Variants in DPP6 observed in about 807,000 individuals in gnomAD.
The protein encoded by DPP6 is dipeptidyl peptidase like 6, also known as A-type potassium channel modulatory protein DPP6.
A neutral mutation model predicts 122.6 loss-of-function variants in DPP6; 69 were observed. That is an observed-to-expected ratio of 0.56 (90% CI 0.46 to 0.69). The LOEUF is 0.69. DPP6 is among the 30% of genes least tolerant of loss of function. The pLI, the probability that DPP6 is intolerant of heterozygous loss-of-function variation, is 0.00. For missense variants in DPP6, 928 were observed against 1,116.9 expected (o/e 0.83, Z 2.41); for synonymous variants, 418 against 433.1 (o/e 0.97, Z 0.43).
At chr7:154,172,660 G>T (rs1585547875) in intron 1 of DPP6, among the ~76,000 whole-genome samples, 1 of 139,010 alleles carries the variant, frequency 7.2e-6, no homozygotes, top group East Asian at 2.1e-4. Context: ...GACTGCAGTG[G>T]TGCCATCACA....
At chr7:154,144,535 A>G (rs1415426070) in intron 1 of DPP6, among the ~76,000 whole-genome samples, 1 of 151,404 alleles carries the variant, frequency 6.6e-6, no homozygotes, top group Non-Finnish European at 1.5e-5. Flanking sequence ...TAAAACTATG[A>G]CAATGCCATT....
In DPP6 at chr7:154,248,213, A is replaced by G. The variant is rs1302017925; in HGVS notation, c.243+195150A>G. On this transcript the variant is annotated intron_variant, in intron 1 of 25. Transcript: ENST00000377770. ...GACCCCACCTCCAAATACCATCACA[A>G]TGGGGGTTAGGACTTTAACCTAGGA... Among the ~76,000 whole-genome samples the G allele has an allele frequency of 2.6e-5, 4 of 152,120 alleles. No homozygotes were observed. The East Asian group carries it at 5.8e-4, about 22-fold the overall frequency.
At position 154,618,598 on chromosome 7, in the gene DPP6, G is replaced by A. The variant is rs1834424339; in HGVS notation, c.628-19223G>A. Among the ~76,000 whole-genome samples the A allele has an allele frequency of 6.6e-6, 1 of 152,162 alleles. No homozygotes were observed. Among genetic ancestry groups the A allele is most frequent in the South Asian group, 2.1e-4 (1 of 4,826 alleles). ...AGCAGAAACCCACAGAGTTTATGAT[G>A]TGCTCAGAGCCACGCACAGGATCGC... On this transcript the variant is annotated intron_variant, in intron 5 of 25. Transcript: ENST00000377770. This position sits in a 1 kb window ranked among gnomAD's most constrained non-coding sequence, Gnocchi z 4.1.
At chr7:154,575,564 T>C (rs1445279456) in intron 5 of DPP6, among the ~76,000 whole-genome samples, 5 of 117,158 alleles carry the variant, frequency 4.3e-5, no homozygotes, top group African/African-American at 1.8e-4. Context: ...TTTATTTGTG[T>C]GTGGTATATG....
the DPP6 span, among the ~76,000 whole-genome samples, chr7:153,859,465 A>G: frequency 6.6e-6 from 1 of 152,178 alleles, no homozygotes; most frequent in African/African-American, 2.4e-5. Flanking sequence ...TGTTGTGCAG[A>G]AAAAAACTTG....
intron 1 of DPP6, among the ~76,000 whole-genome samples, chr7:153,947,057 C>G (rs565088398): frequency 6.6e-6 from 1 of 152,122 alleles, no homozygotes; most frequent in South Asian, 2.1e-4. Context: ...AAGGGTGTGC[C>G]GTGATTCCCT....
chr7:154,419,574 C>T (rs374312863), intron 1 of DPP6, among the ~76,000 whole-genome samples: 1 of 152,216 alleles, frequency 6.6e-6, no homozygotes, highest in Non-Finnish European at 1.5e-5. Context: ...CTCCCACACC[C>T]TTGGTTCTGC....
chr7:153,948,131 T>C (rs1802032408), intron 1 of DPP6, among the ~76,000 whole-genome samples: 1 of 152,208 alleles, frequency 6.6e-6, no homozygotes, highest in Non-Finnish European at 1.5e-5. Flanking sequence ...GACTTCAGCA[T>C]ATGAATTTGA....
At chr7:154,787,676 T>G (rs1282220548) in intron 10 of DPP6, among the ~76,000 whole-genome samples, 5 of 152,220 alleles carry the variant, frequency 3.3e-5, no homozygotes, top group African/African-American at 4.8e-5. Flanking sequence ...TAACCAATAT[T>G]AAGTATTTAC....
At chr7:153,796,954 C>T in the DPP6 span, among the ~76,000 whole-genome samples, 1 of 152,176 alleles carries the variant, frequency 6.6e-6, no homozygotes, top group Non-Finnish European at 1.5e-5. Context: ...AAGACTATGG[C>T]TTGTTTTGCC....
chr7:153,858,280 A>G, the DPP6 span, among the ~76,000 whole-genome samples: 4 of 152,302 alleles, frequency 2.6e-5, no homozygotes, highest in Admixed American at 2.6e-4. Context: ...AGATGACTGT[A>G]TCCACCAGAA....
chr7:154,055,401 A>C (rs1195673598), intron 1 of DPP6, among the ~76,000 whole-genome samples: 3 of 149,850 alleles, frequency 2.0e-5, no homozygotes, highest in Non-Finnish European at 4.4e-5. Context: ...TGAACATATC[A>C]AACCACTTTT....
chr7:154,024,831 T>C (rs1351190985), intron 1 of DPP6, among the ~76,000 whole-genome samples: 1 of 152,238 alleles, frequency 6.6e-6, no homozygotes, highest in Non-Finnish European at 1.5e-5. Context: ...GGTACCACAG[T>C]CTGTGTAAGA....
intron 1 of DPP6, 26 bp from the exon 2 acceptor site, chr7:154,446,188 G>T (rs750638913): frequency 1.4e-5 from 20 of 1,471,634 alleles, no homozygotes; most frequent in Non-Finnish European, 1.9e-5. Flanking sequence ...ACTCACTGGG[G>T]TTTTCTTTGT....
intron 1 of DPP6, among the ~76,000 whole-genome samples, chr7:154,074,258 A>G (rs1803389466): frequency 1.3e-5 from 2 of 152,062 alleles, no homozygotes; most frequent in Non-Finnish European, 2.9e-5. Context: ...GATGAAGATG[A>G]TATTTTATGT....
At chr7:153,834,665 A>C in the DPP6 span, among the ~76,000 whole-genome samples, 1 of 152,190 alleles carries the variant, frequency 6.6e-6, no homozygotes, top group African/African-American at 2.4e-5. Context: ...GTTGTTTTGC[A>C]TCATTTTATA....
At chr7:154,521,182 A>C (rs1031454714) in intron 3 of DPP6, among the ~76,000 whole-genome samples, 3 of 152,216 alleles carry the variant, frequency 2.0e-5, no homozygotes, top group African/African-American at 7.2e-5. Flanking sequence ...GGCTTGGCTG[A>C]TAACACATTT....
chr7:154,369,612 T>G (rs2151115974), intron 1 of DPP6, among the ~76,000 whole-genome samples: 1 of 152,282 alleles, frequency 6.6e-6, no homozygotes, highest in South Asian at 2.1e-4. Context: ...GGGATCCACC[T>G]GCCTTGGCCT....
intron 1 of DPP6, among the ~76,000 whole-genome samples, chr7:154,198,972 G>A (rs966295805): frequency 4.6e-5 from 7 of 151,106 alleles, no homozygotes; most frequent in Non-Finnish European, 1.0e-4. Flanking sequence ...GTTGATCATC[G>A]TTATGGTCCT....
Sources: gnomAD v4.1 joint callset for allele counts (sites outside exome capture counted in the v4.1 genomes callset) on GRCh38, gnomAD v4.1.1 for gene constraint, Gnocchi (gnomAD v3.1) non-coding constraint, MANE v1.5 for transcripts, NCBI Gene and HGNC (gene_info 2026-07-23, HGNC 2026-07-21) for gene names.